The following INPP5A variants were observed in gnomAD, a reference collection of about 807,000 sequenced individuals.
INPP5A encodes inositol polyphosphate-5-phosphatase A, also known as 43 kDa inositol polyphosphate 5-phophatase.
Under a neutral mutation model 65.2 loss-of-function variants are expected in INPP5A, and 14 were observed. The observed-to-expected ratio is 0.21, with a 90% confidence interval of 0.14 to 0.34. INPP5A has a LOEUF of 0.34. Ranked by LOEUF, INPP5A falls within the 10% of genes least tolerant of loss-of-function variation. INPP5A has a pLI of 1.00. For synonymous variants in INPP5A, 207 were observed against 208.3 expected (o/e 0.99, Z 0.05); for missense variants, 431 against 545.6 (o/e 0.79, Z 2.09).
chr10:132,688,670 AGT>A (rs567173345), intron 4 of INPP5A, among the ~76,000 whole-genome samples: 61 of 149,384 alleles, frequency 4.1e-4, no homozygotes, highest in South Asian at 3.0e-3. Context: ...AGTGTGAACA[AGT>A]GTGTGCGTGT....
At chr10:132,780,728 C>A in intron 13 of INPP5A, 121 bp from the exon 14 acceptor site, 1 of 820,806 alleles carries the variant, frequency 1.2e-6, no homozygotes, top group Non-Finnish European at 2.1e-6. Context: ...GAGGTACTGG[C>A]AGGGGCCGAC....
intron 11 of INPP5A, among the ~76,000 whole-genome samples, chr10:132,765,451 G>A (rs995529189): frequency 1.3e-5 from 2 of 152,246 alleles, no homozygotes; most frequent in Non-Finnish European, 2.9e-5. Flanking sequence ...CACTAGGGAG[G>A]AGAGGCCGAG....
chr10:132,749,140 G>A (rs1234186690), intron 9 of INPP5A, among the ~76,000 whole-genome samples: 1 of 152,276 alleles, frequency 6.6e-6, no homozygotes, highest in Non-Finnish European at 1.5e-5. Flanking sequence ...AGGGACGGGA[G>A]AGAGCGAGCG....
At chr10:132,628,274 G>A (rs531792095) in intron 2 of INPP5A, among the ~76,000 whole-genome samples, 341 of 152,264 alleles carry the variant, frequency 2.2e-3, no homozygotes, top group Non-Finnish European at 3.1e-3. Flanking sequence ...CCCCTTTCTG[G>A]GCTGTGTAAC....
In INPP5A at chr10:132,690,418, T is replaced by G; in HGVS notation, c.333T>G (p.His111Gln). 6.2e-7 allele frequency: 1 copy of G among 1,612,616 alleles called. No homozygotes were observed. Among genetic ancestry groups the G allele is most frequent in the Non-Finnish European group, 8.5e-7 (1 of 1,178,830 alleles). Residue 111 changes from histidine to glutamine, a missense_variant, in exon 5 of 16, where the codon CAT becomes CAG. Physicochemically the swap from His to Gln is conservative, Grantham distance 24. Coordinates refer to ENST00000368594, the MANE Select transcript of INPP5A (RefSeq NM_005539.5). ...CACTAGGAAGCTTTTATTTTCTTCATGAGTCCTTAAAAAACATCTACCAGT... is the reference window on the plus strand; with the variant it reads ...CACTAGGAAGCTTTTATTTTCTTCAGGAGTCCTTAAAAAACATCTACCAGT... ...FTALGSFYFLHESLKNIYQFD... is the reference protein window; with the variant it reads ...FTALGSFYFLQESLKNIYQFD...
chr10:132,724,214 G>A (rs982964594), intron 8 of INPP5A, among the ~76,000 whole-genome samples: 1 of 152,164 alleles, frequency 6.6e-6, no homozygotes, highest in African/African-American at 2.4e-5. Context: ...AAAAAAACCC[G>A]TGCCGCTGGG....
Position 132,741,363 on chromosome 10 carries a change from T to C in INPP5A, c.733-8154T>C, listed in dbSNP as rs1170111045. Among the ~76,000 whole-genome samples, 1 of 152,184 alleles carries C rather than the reference T, an allele frequency of 6.6e-6. No individual in the cohort carries two copies. The highest frequency in any genetic ancestry group is 1.5e-5 in the Non-Finnish European group (1 of 68,036). On this transcript the variant is annotated intron_variant, in intron 9 of 15. Transcript: ENST00000368594. The surrounding 1 kb of genome is among the most constrained non-coding windows in gnomAD (Gnocchi z 4.4). Reference sequence around the variant, plus strand: ...CTCCGTGTCTGTGGGTCACAAGTGGTTGGTCTCAGTCTGGTTCCTGCTGGA... The same window carrying C: ...CTCCGTGTCTGTGGGTCACAAGTGGCTGGTCTCAGTCTGGTTCCTGCTGGA...
intron 1 of INPP5A, among the ~76,000 whole-genome samples, chr10:132,601,415 C>A (rs2071776124): frequency 6.6e-6 from 1 of 152,206 alleles, no homozygotes. Context: ...TTAGCAGACA[C>A]ATGACTTGCA....
intron 2 of INPP5A, among the ~76,000 whole-genome samples, chr10:132,619,100 C>T (rs77619238): frequency 0.015 from 2,301 of 152,306 alleles, 32 homozygotes; most frequent in South Asian, 0.039. Flanking sequence ...TGACTCACCT[C>T]AGAAGTCCCA....
At chr10:132,595,994 G>A (rs1332157699) in intron 1 of INPP5A, among the ~76,000 whole-genome samples, 3 of 152,122 alleles carry the variant, frequency 2.0e-5, no homozygotes, top group South Asian at 2.1e-4. Context: ...GAAGGCATGT[G>A]CTTTCTTTCA....
intron 2 of INPP5A, among the ~76,000 whole-genome samples, chr10:132,621,746 A>G (rs944018753): frequency 3.3e-5 from 5 of 150,396 alleles, no homozygotes; most frequent in African/African-American, 1.2e-4. Flanking sequence ...TTTGTCCATA[A>G]GGAATTACCT....
intron 9 of INPP5A, among the ~76,000 whole-genome samples, chr10:132,739,820 G>A (rs532605997): frequency 4.6e-5 from 7 of 152,342 alleles, no homozygotes; most frequent in African/African-American, 1.7e-4. Context: ...GGACCCAGGG[G>A]CCTCAGCAGA....
intron 1 of INPP5A, among the ~76,000 whole-genome samples, chr10:132,588,012 C>CAAAAAAAAAAAAAA (rs796469034): frequency 3.6e-5 from 2 of 55,910 alleles, no homozygotes; most frequent in Non-Finnish European, 3.3e-5. Context: ...AACTCCATCT[C>CAAAAAAAAAAAAAA]AAAAAAAAAA....
chr10:132,596,935 G>GCATGTGTGCGTGTGTGCGCA (rs1554932708), intron 1 of INPP5A, among the ~76,000 whole-genome samples: 372 of 26,098 alleles, frequency 0.014, 3 homozygotes, highest in African/African-American at 0.035. Context: ...GCATGTGCAC[G>GCATGTGTGCGTGTGTGCGCA]CATGTGTGCG....
At chr10:132,732,340 G>A (rs1846101586) in intron 9 of INPP5A, among the ~76,000 whole-genome samples, 1 of 152,246 alleles carries the variant, frequency 6.6e-6, no homozygotes, top group African/African-American at 2.4e-5. Context: ...CTTTAAGACT[G>A]TGGATACATA....
chr10:132,757,364 C>T (rs1023404306), intron 11 of INPP5A, among the ~76,000 whole-genome samples: 2 of 152,232 alleles, frequency 1.3e-5, no homozygotes, highest in Admixed American at 6.5e-5. Flanking sequence ...GCTTTTTCTT[C>T]TTTAGACCTT....
At chr10:132,717,255 A>C (rs1590950746) in intron 8 of INPP5A, among the ~76,000 whole-genome samples, 1 of 150,538 alleles carries the variant, frequency 6.6e-6, no homozygotes, top group African/African-American at 2.5e-5. Context: ...TCCCTCCCCC[A>C]CCCCCGTGAC....
intron 5 of INPP5A, among the ~76,000 whole-genome samples, chr10:132,692,796 G>C (rs1590930514): frequency 6.6e-6 from 1 of 152,314 alleles, no homozygotes; most frequent in South Asian, 2.1e-4. Flanking sequence ...AATGCTAAAA[G>C]AAGCTCTTCA....
chr10:132,690,532 C>G (rs1250905529), intron 5 of INPP5A, 77 bp downstream of exon 5: 2 of 1,084,816 alleles, frequency 1.8e-6, no homozygotes, highest in Non-Finnish European at 2.8e-6. Flanking sequence ...CAGACCTCTC[C>G]TGCCCTGTCT....
Sources: gnomAD v4.1 joint callset for allele counts (sites outside exome capture counted in the v4.1 genomes callset) on GRCh38, gnomAD v4.1.1 for gene constraint, Gnocchi (gnomAD v3.1) non-coding constraint, MANE v1.5 for transcripts, NCBI Gene and HGNC (gene_info 2026-07-23, HGNC 2026-07-21) for gene names.